Variants in MFSD6 observed in about 807,000 individuals in gnomAD.
The protein encoded by MFSD6 is major facilitator superfamily domain-containing protein 6.
Under a neutral mutation model 56.3 loss-of-function variants are expected in MFSD6, and 26 were observed. The ratio of observed to expected loss-of-function variants is 0.46; its 90% CI spans 0.34 to 0.64. MFSD6 has a LOEUF of 0.64. MFSD6 is among the 30% of genes least tolerant of loss of function. The pLI is 0.01. For missense variants in MFSD6, 750 were observed against 986.2 expected, an observed-to-expected ratio of 0.76 and a Z score of 3.21; for synonymous variants, 331 against 366.9, an observed-to-expected ratio of 0.90 and a Z score of 1.12.
chr2:190,444,887 A>G, intron 3 of MFSD6: 1 of 832,306 alleles, frequency 1.2e-6, no homozygotes, highest in Non-Finnish European at 1.4e-6. Flanking sequence ...ATCATAGTAA[A>G]AAGTGACGTT....
At chr2:190,435,878 A>G (rs1575838697) in intron 2 of MFSD6, 99 bp from the exon 3 acceptor site, 1 of 1,008,336 alleles carries the variant, frequency 9.9e-7, no homozygotes, top group African/African-American at 1.6e-5. Context: ...TGCAATTATT[A>G]TTTTAGTTTG....
Position 190,456,877 on chromosome 2 carries a change from TTTGATCTAGG to T in MFSD6, c.1533-12880_1533-12871del, listed in dbSNP as rs1189060402. Among the ~76,000 whole-genome samples the T allele has an allele frequency of 3.9e-5, 6 of 152,334 alleles. No homozygotes were observed. The highest frequency in any genetic ancestry group is 1.2e-4 in the African/African-American group (5 of 41,576). On this transcript the variant is annotated intron_variant, in intron 3 of 7. Coordinates refer to ENST00000392328, the MANE Select transcript of MFSD6 (RefSeq NM_017694.4). The surrounding 1 kb of genome is among the most constrained non-coding windows in gnomAD (Gnocchi z 5.4). The stretch of plus-strand genomic sequence containing the variant: ...TTTGCTTCTGGGTAAGCTTTTCTCC[TTTGATCTAGG>T]ATATTGGACAACTGTTGAGTGGCAT...
rs1274050069 is a variant in MFSD6 at position 190,465,470 on chromosome 2, G to A, written c.1533-4288G>A. 6.6e-6 allele frequency among the ~76,000 whole-genome samples: 1 copy of A among 151,728 alleles called. No homozygotes were observed. Among genetic ancestry groups the A allele is most frequent in the Admixed American group, 6.6e-5 (1 of 15,250 alleles). ...TATTTCCAGACATCAGTGCCCATAA[G>A]ATTACTGATTATACATCAGTAATCT... On this transcript the variant is annotated intron_variant, in intron 3 of 7. Coordinates refer to ENST00000392328, the MANE Select transcript of MFSD6 (RefSeq NM_017694.4). This position sits in a 1 kb window ranked among gnomAD's most constrained non-coding sequence, Gnocchi z 4.6.
At position 190,437,272 on chromosome 2, in the gene MFSD6, A is replaced by C; in HGVS notation, c.1243A>C (p.Asn415His). ...GGAGATCCCGCAGGTGGAAAGGAAC[A>C]ACTCTACAGAGTCCTCTGAGGAGAC... is the stretch of plus-strand genomic sequence containing the variant. ...EVEIPQVERN[N>H]STESSEETPT... Residue 415 changes from asparagine to histidine, a missense_variant, in exon 3 of 8, where the codon AAC becomes CAC. Transcript: ENST00000392328. The surrounding 1 kb of genome is among the most constrained non-coding windows in gnomAD (Gnocchi z 5.9). The C allele has an allele frequency of 1.9e-6, 3 of 1,614,156 alleles. No individual in the cohort carries two copies. The highest frequency in any genetic ancestry group is 2.5e-6 in the Non-Finnish European group (3 of 1,180,010).
intron 2 of MFSD6, among the ~76,000 whole-genome samples, chr2:190,422,752 G>A (rs891409671): frequency 6.6e-6 from 1 of 152,036 alleles, no homozygotes; most frequent in African/African-American, 2.4e-5. Flanking sequence ...TTTCAGTTTT[G>A]AGGCATTTTC....
Position 190,497,856 on chromosome 2 carries a change from C to G in MFSD6, c.2172+137C>G, listed in dbSNP as rs985077348. The G allele has an allele frequency of 2.9e-6, 3 of 1,026,008 alleles. No individual in the cohort carries two copies. The African/African-American group carries it at 4.8e-5, about 17-fold the overall frequency. 63.6% of individuals were successfully genotyped at this position (1,026,008 alleles called of 1,614,324 possible). ...GGGGAAATAGACATGCAAACAATTT[C>G]AGTACTCTGTGAGCACTGAGTTAAA... On this transcript the variant is annotated intron_variant, in intron 7 of 7. Coordinates refer to ENST00000392328, the MANE Select transcript of MFSD6 (RefSeq NM_017694.4). This position sits in a 1 kb window ranked among gnomAD's most constrained non-coding sequence, Gnocchi z 5.2.
chr2:190,438,522 G>A lies in MFSD6; in HGVS notation c.1532+961G>A, dbSNP rs1190287672. On this transcript the variant is annotated intron_variant, in intron 3 of 7. Transcript: ENST00000392328. The surrounding 1 kb of genome is among the most constrained non-coding windows in gnomAD (Gnocchi z 5.2). Reference sequence around the variant, plus strand: ...CAGAGTGAGACTCCATCTAAAAAAAGAGAACACCCTGTAAGTGCCTAGTGT... The same window carrying A: ...CAGAGTGAGACTCCATCTAAAAAAAAAGAACACCCTGTAAGTGCCTAGTGT... 1.3e-5 allele frequency among the ~76,000 whole-genome samples: 2 copies of A among 152,132 alleles called. No individual in the cohort carries two copies. The highest frequency in any genetic ancestry group is 2.9e-5 in the Non-Finnish European group (2 of 68,012).
At chr2:190,473,537 A>C (rs1489716608) in intron 4 of MFSD6, among the ~76,000 whole-genome samples, 4 of 152,204 alleles carry the variant, frequency 2.6e-5, no homozygotes, top group African/African-American at 9.6e-5. Context: ...CTAAATATAT[A>C]TGCACCCAAT....
At chr2:190,409,502 A>G (rs1004299840) in intron 1 of MFSD6, among the ~76,000 whole-genome samples, 10 of 152,158 alleles carry the variant, frequency 6.6e-5, no homozygotes, top group Non-Finnish European at 1.5e-4. Context: ...GGCATGTCAC[A>G]TCTTCCTGAG....
intron 2 of MFSD6, among the ~76,000 whole-genome samples, chr2:190,429,164 A>G (rs1685878880): frequency 6.6e-6 from 1 of 150,460 alleles, no homozygotes; most frequent in African/African-American, 2.4e-5. Context: ...ATATTTTCCT[A>G]CTGATTTTTT....
Position 190,500,056 on chromosome 2 carries a change from C to T in MFSD6, c.2214C>T (p.Ala738=). 2 of 1,614,202 alleles carry T rather than the reference C, an allele frequency of 1.2e-6. No homozygotes were observed. Among genetic ancestry groups the T allele is most frequent in the South Asian group, 2.2e-5 (2 of 91,088 alleles). The stretch of plus-strand genomic sequence containing the variant: ...GGGAAAATTCTCCTGCTGGTAGAGC[C>T]CAGCCTGTCCCATGTGAGACTCACT... ...ENRENSPAGR[A]QPVPCETHSD... Residue 738 remains alanine, a synonymous_variant, in exon 8 of 8, where the codon GCC becomes GCT. Transcript: ENST00000392328. This position sits in a 1 kb window ranked among gnomAD's most constrained non-coding sequence, Gnocchi z 5.3.
In MFSD6 at chr2:190,437,517, A is replaced by C; in HGVS notation, c.1488A>C (p.Ala496=). Residue 496 remains alanine (A), a synonymous_variant, in exon 3 of 8, where the codon GCA becomes GCC. Coordinates refer to ENST00000392328, the MANE Select transcript of MFSD6 (RefSeq NM_017694.4). The surrounding 1 kb of genome is among the most constrained non-coding windows in gnomAD (Gnocchi z 5.9). The part of the protein sequence containing the change: ...SVLSHVSELT[A]YFFSHKLIEL... ...TGAGTCATGTGTCTGAGCTGACAGC[A>C]TATTTTTTTAGTCACAAGCTTATTG... 6.2e-7 allele frequency: 1 copy of C among 1,614,128 alleles called. No individual in the cohort carries two copies. The highest frequency in any genetic ancestry group is 1.1e-5 in the South Asian group (1 of 91,076).
intron 4 of MFSD6, among the ~76,000 whole-genome samples, chr2:190,476,229 C>T (rs1275660194): frequency 6.6e-6 from 1 of 151,964 alleles, no homozygotes; most frequent in African/African-American, 2.4e-5. Flanking sequence ...AATTAAAGAG[C>T]TTCTGCACAG....
chr2:190,462,193 TACAG>T lies in MFSD6; in HGVS notation c.1533-7561_1533-7558del, dbSNP rs1687366005. On this transcript the variant is annotated intron_variant, in intron 3 of 7. Transcript: ENST00000392328. This position sits in a 1 kb window ranked among gnomAD's most constrained non-coding sequence, Gnocchi z 5.7. ...GAATTGATTCCATATTGAGTACACA[TACAG>T]ACATTTTATGGAGAAATGGGAACAG... 6.6e-6 allele frequency among the ~76,000 whole-genome samples: 1 copy of T among 152,162 alleles called. No homozygotes were observed. Among genetic ancestry groups the T allele is most frequent in the Non-Finnish European group, 1.5e-5 (1 of 68,022 alleles).
At chr2:190,474,097 C>T (rs1171385655) in intron 4 of MFSD6, among the ~76,000 whole-genome samples, 2 of 151,862 alleles carry the variant, frequency 1.3e-5, no homozygotes, top group Non-Finnish European at 2.9e-5. Flanking sequence ...GCACTAAATG[C>T]CCACAAGAGA....
chr2:190,456,977 C>T lies in MFSD6; in HGVS notation c.1533-12781C>T, dbSNP rs993659009. Among the ~76,000 whole-genome samples the T allele has an allele frequency of 2.6e-5, 4 of 152,158 alleles. No individual in the cohort carries two copies. Among genetic ancestry groups the T allele is most frequent in the African/African-American group, 7.2e-5 (3 of 41,416 alleles). On this transcript the variant is annotated intron_variant, in intron 3 of 7. Coordinates refer to ENST00000392328, the MANE Select transcript of MFSD6 (RefSeq NM_017694.4). This position sits in a 1 kb window ranked among gnomAD's most constrained non-coding sequence, Gnocchi z 5.4. ...ACTCGTCAAAGTTTAAAATGTCAAC[C>T]GTCTTCTGATGCCAACATAAACGTT... is the stretch of plus-strand genomic sequence containing the variant.
At chr2:190,473,986 A>G (rs1464998509) in intron 4 of MFSD6, among the ~76,000 whole-genome samples, 2 of 152,236 alleles carry the variant, frequency 1.3e-5, no homozygotes, top group African/African-American at 4.8e-5. Flanking sequence ...AAGGAAATGA[A>G]GGCAGAAATA....
In MFSD6 at chr2:190,412,327, G is replaced by C. The variant is rs1559099145; in HGVS notation, c.-175-2965G>C. 1.0e-6 allele frequency: 1 copy of C among 984,118 alleles called. No homozygotes were observed. Among genetic ancestry groups the C allele is most frequent in the Non-Finnish European group, 1.2e-6 (1 of 828,776 alleles). 61.0% of individuals were successfully genotyped at this position (984,118 alleles called of 1,614,324 possible). ...AATTGTAAAAGTATTTTACAGAAGAGATATTCTCACAATTTTAGGTATTAT... is the reference window on the plus strand; with the variant it reads ...AATTGTAAAAGTATTTTACAGAAGACATATTCTCACAATTTTAGGTATTAT... On this transcript the variant is annotated intron_variant, in intron 1 of 7. Transcript: ENST00000392328. The surrounding 1 kb of genome is among the most constrained non-coding windows in gnomAD (Gnocchi z 4.1).
In MFSD6 at chr2:190,454,461, A is replaced by T. The variant is rs1183436327; in HGVS notation, c.1533-15297A>T. On this transcript the variant is annotated intron_variant, in intron 3 of 7. Transcript: ENST00000392328. This position sits in a 1 kb window ranked among gnomAD's most constrained non-coding sequence, Gnocchi z 4.6. ...GAGGTCATGAGAGTGGGGCCCTCAT[A>T]ATGGGGTTAGTGCCCTTACAAGAAT... 1 of 152,162 alleles carries T rather than the reference A, an allele frequency of 6.6e-6. No individual in the cohort carries two copies. Among genetic ancestry groups the T allele is most frequent in the Non-Finnish European group, 1.5e-5 (1 of 68,062 alleles). 9.4% of individuals were successfully genotyped at this position (152,162 alleles called of 1,614,324 possible).
Sources: allele counts gnomAD v4.1 joint callset (sites outside exome capture counted in the v4.1 genomes callset), GRCh38; gene constraint gnomAD v4.1.1; non-coding constraint Gnocchi (gnomAD v3.1); transcripts MANE v1.5; gene names NCBI Gene and HGNC (gene_info 2026-07-23, HGNC 2026-07-21).